OSCAR: variants seen among roughly 807,000 people sequenced by gnomAD.
OSCAR encodes osteoclast-associated immunoglobulin-like receptor.
OSCAR carries 25 observed loss-of-function variants against 27.3 expected under a neutral mutation model. That is an observed-to-expected ratio of 0.92 (90% confidence interval 0.67 to 1.28). The LOEUF is 1.28. Ranked by LOEUF, OSCAR falls within the 50% of genes most tolerant of loss-of-function variation. The pLI is 0.00. For synonymous variants in OSCAR, 158 were observed against 165.7 expected (o/e 0.95, Z 0.36); for missense variants, 354 against 355.1 (o/e 1.00, Z 0.03).
At chr19:54,099,060 T>G (rs977742147) in intron 2 of OSCAR, among the ~76,000 whole-genome samples, 1 of 7,596 alleles carries the variant, frequency 1.3e-4, no homozygotes, top group African/African-American at 1.1e-3. Context: ...AAGAGTTTTT[T>G]TTGTTTGTTT....
At chr19:54,099,937 G>T (rs111288225) in intron 1 of OSCAR, among the ~76,000 whole-genome samples, 157 bp from the exon 2 acceptor site, 4 of 151,488 alleles carry the variant, frequency 2.6e-5, no homozygotes, top group African/African-American at 9.7e-5. Flanking sequence ...CTCAGCCTCC[G>T]TAGTAGCTGG....
chr19:54,098,173 C>T (rs1179665132), intron 2 of OSCAR, among the ~76,000 whole-genome samples: 7 of 152,212 alleles, frequency 4.6e-5, no homozygotes, highest in Admixed American at 6.5e-5. Context: ...AATTTGACCA[C>T]TTCAAATTTC....
intron 1 of OSCAR, 39 bp from the exon 2 acceptor site, chr19:54,099,819 T>C (rs1344246377): frequency 6.3e-7 from 1 of 1,591,246 alleles, no homozygotes; most frequent in Admixed American, 1.9e-5. Flanking sequence ...TTTCCTTTTT[T>C]TTTTTTTGTC....
chr19:54,095,404 A>G, intron 4 of OSCAR, 47 bp from the exon 5 acceptor site: 3 of 1,535,712 alleles, frequency 2.0e-6, no homozygotes, highest in Non-Finnish European at 2.6e-6. Flanking sequence ...CCGGACCCCA[A>G]AGTCTGGGCC....
intron 2 of OSCAR, among the ~76,000 whole-genome samples, chr19:54,099,229 ATT>A (rs1228940404): frequency 3.8e-4 from 31 of 82,418 alleles, no homozygotes; most frequent in African/African-American, 4.5e-4. Context: ...CACCCGGCTA[ATT>A]TTTTTTTTTT....
chr19:54,096,231 T>C (rs2072687129), intron 3 of OSCAR, 78 bp from the exon 4 acceptor site: 2 of 1,258,160 alleles, frequency 1.6e-6, no homozygotes, highest in Non-Finnish European at 2.1e-6. Context: ...CCTTCTCCTC[T>C]GTCTCTCGCT....
intron 4 of OSCAR, chr19:54,095,667 G>A (rs911372216): frequency 1.6e-5 from 16 of 1,018,542 alleles, no homozygotes; most frequent in Admixed American, 2.9e-5. Context: ...GAGGGAGGAG[G>A]AGCTGGAGGA....
intron 2 of OSCAR, among the ~76,000 whole-genome samples, chr19:54,098,931 C>G (rs906314397): frequency 6.7e-6 from 1 of 148,814 alleles, no homozygotes; most frequent in Non-Finnish European, 1.5e-5. Context: ...TGCAGTGAGC[C>G]GAGATTGCAC....
At position 54,099,477 on chromosome 19, in the gene OSCAR, A is replaced by G. The variant is rs184602427; in HGVS notation, c.70+271T>C. On this transcript the variant is annotated intron_variant, in intron 2 of 4. Transcript: ENST00000358375. Reference sequence around the variant, plus strand: ...TTTACAGAGAAGGAAATGGAGTCTTAGCAAGCTGTGACTTGTTCTAGGTCA... The same window carrying G: ...TTTACAGAGAAGGAAATGGAGTCTTGGCAAGCTGTGACTTGTTCTAGGTCA... 95 of 1,062,222 alleles carry G rather than the reference A, an allele frequency of 8.9e-5. No individual in the cohort carries two copies. The Admixed American group carries it at 9.7e-4, about 11-fold the overall frequency. The allele number at this position is 1,062,222 out of a possible 1,614,324, so 65.8% of individuals were successfully genotyped here.
Position 54,095,209 on chromosome 19 carries a change from T to A in OSCAR, c.*12A>T. The A allele has an allele frequency of 1.9e-6, 3 of 1,609,754 alleles. No individual in the cohort carries two copies. In the South Asian group the frequency reaches 3.3e-5, roughly 18 times the overall value. On this transcript the variant is annotated 3_prime_UTR_variant, in exon 5 of 5. Transcript: ENST00000358375. ...TCAGGTTGGAAGTCTCGGGCTGCAG[T>A]GCTCCTGGGGCTCAGGGGCGGATAC...
chr19:54,096,072 C>A lies in OSCAR; in HGVS notation c.455G>T (p.Gly152Val), dbSNP rs1253303511. The A allele has an allele frequency of 1.3e-6, 2 of 1,537,734 alleles. No individual in the cohort carries two copies. Among genetic ancestry groups the A allele is most frequent in the Non-Finnish European group, 1.7e-6 (2 of 1,147,264 alleles). ...PGANVSLRCA[G>V]RLRNMSFVLY... is the part of the protein sequence containing the mutation. ...CACGAAGCTCATGTTCCGCAGGCGGCCCGCGCAGCGCAGGCTCACGTTGGC... is the reference window on the plus strand; with the variant it reads ...CACGAAGCTCATGTTCCGCAGGCGGACCGCGCAGCGCAGGCTCACGTTGGC... The change falls in exon 4 of 5, where the codon GGC becomes GTC. Residue 152 changes from glycine to valine, a missense_variant. Coordinates refer to ENST00000358375, the MANE Select transcript of OSCAR (RefSeq NM_133169.6).
intron 2 of OSCAR, among the ~76,000 whole-genome samples, chr19:54,097,968 G>C (rs1396657599): frequency 8.6e-5 from 13 of 151,874 alleles, no homozygotes; most frequent in African/African-American, 3.1e-4. Flanking sequence ...GCCAAAACTT[G>C]CTATTTGGAA....
chr19:54,096,041 G>C lies in OSCAR; in HGVS notation c.486C>G (p.Tyr162Ter). The change falls in exon 4 of 5, where the codon TAC (tyrosine) becomes TAG (stop). Residue 162 changes from tyrosine to a stop codon, truncating the protein, a stop_gained. Coordinates refer to ENST00000358375, the MANE Select transcript of OSCAR (RefSeq NM_133169.6). LOFTEE classifies it high-confidence loss of function. ...GCAGCGGGGCCGCCACGCCCTCGCG[G>C]TACAGCACGAAGCTCATGTTCCGCA... ...GRLRNMSFVLYREGVAAPLQY... is the reference protein window; with the variant it reads ...GRLRNMSFVL 6.4e-7 allele frequency: 1 copy of C among 1,558,324 alleles called. No individual in the cohort carries two copies. Among genetic ancestry groups the C allele is most frequent in the Non-Finnish European group, 8.7e-7 (1 of 1,155,714 alleles).
intron 3 of OSCAR, among the ~76,000 whole-genome samples, 184 bp from the exon 4 acceptor site, chr19:54,096,337 C>CCTCTCTCTCTGCCTGCCT (rs199962950): frequency 9.3e-6 from 1 of 107,998 alleles, no homozygotes; most frequent in African/African-American, 3.7e-5. Context: ...TCTCTGCCTC[C>CCTCTCTCTCTGCCTGCCT]CTCTCTCTGC....
intron 3 of OSCAR, 112 bp downstream of exon 3, chr19:54,096,750 G>A: frequency 8.4e-7 from 1 of 1,184,214 alleles, no homozygotes; most frequent in Non-Finnish European, 1.2e-6. Context: ...CTTTTCTTGT[G>A]TCTGTGAATC....
chr19:54,096,415 CCTCT>C (rs1235354042), intron 3 of OSCAR, among the ~76,000 whole-genome samples: 31 of 109,048 alleles, frequency 2.8e-4, no homozygotes, highest in African/African-American at 1.0e-3. Context: ...TCTCTGCCTC[CCTCT>C]CTCTCTGCCT....
chr19:54,098,459 G>A (rs2072864149), intron 2 of OSCAR, among the ~76,000 whole-genome samples: 1 of 152,058 alleles, frequency 6.6e-6, no homozygotes, highest in Admixed American at 6.6e-5. Context: ...CAGCTGTTTG[G>A]GATGCTGAGT....
intron 1 of OSCAR, 59 bp downstream of exon 1, chr19:54,100,697 C>CCT: frequency 2.0e-6 from 3 of 1,512,750 alleles, no homozygotes; most frequent in Non-Finnish European, 1.8e-6. Context: ...GTCTCCATTG[C>CCT]CTCTCTCTCT....
At chr19:54,098,226 T>A (rs2146299726) in intron 2 of OSCAR, among the ~76,000 whole-genome samples, 1 of 152,280 alleles carries the variant, frequency 6.6e-6, no homozygotes, top group East Asian at 1.9e-4. Flanking sequence ...GGACAAATGA[T>A]AGTACTGGCA....
Sources: gnomAD v4.1 joint callset for allele counts (sites outside exome capture counted in the v4.1 genomes callset) on GRCh38, gnomAD v4.1.1 for gene constraint, MANE v1.5 for transcripts, NCBI Gene and HGNC (gene_info 2026-07-23, HGNC 2026-07-21) for gene names.